Variants in SUCLG2 observed in about 807,000 individuals in gnomAD.
SUCLG2 encodes the protein succinate--CoA ligase [GDP-forming] subunit beta, mitochondrial.
SUCLG2 carries 42 observed loss-of-function variants against 47.9 expected under a neutral mutation model. The observed-to-expected ratio is 0.88, with a 90% CI of 0.69 to 1.14. The LOEUF (loss-of-function observed/expected upper bound fraction) is 1.14. Ranked by LOEUF, SUCLG2 falls within the 50% of genes most tolerant of loss-of-function variation. SUCLG2 has a pLI of 0.00. For missense variants in SUCLG2, 571 were observed against 525.9 expected, an observed-to-expected ratio of 1.09 and a Z score of -0.84; for synonymous variants, 195 against 197.3, an observed-to-expected ratio of 0.99 and a Z score of 0.10.
chr3:67,561,492 T>A (rs1157913386), intron 2 of SUCLG2, among the ~76,000 whole-genome samples: 1 of 152,178 alleles, frequency 6.6e-6, no homozygotes, highest in East Asian at 1.9e-4. Context: ...ACAAAAAGCT[T>A]AGCAACAGCA....
At chr3:67,366,823 C>T (rs17046331) in intron 10 of SUCLG2, among the ~76,000 whole-genome samples, 3,607 of 152,242 alleles carry the variant, frequency 0.024, 60 homozygotes, top group South Asian at 0.051. Context: ...TTGCCTTTAA[C>T]CAGCCATGTT....
chr3:67,372,320 T>C (rs543091349), downstream of SUCLG2, among the ~76,000 whole-genome samples: 1 of 152,200 alleles, frequency 6.6e-6, no homozygotes, highest in South Asian at 2.1e-4. Context: ...TTATCTCACT[T>C]TGTCACAATT....
intron 9 of SUCLG2, among the ~76,000 whole-genome samples, chr3:67,432,994 T>C (rs1231635356): frequency 2.0e-5 from 3 of 152,192 alleles, no homozygotes; most frequent in Admixed American, 6.5e-5. Flanking sequence ...GATCTTAAAA[T>C]CCTCTGAATA....
At chr3:67,629,160 G>A (rs995822372) in intron 1 of SUCLG2, among the ~76,000 whole-genome samples, 1 of 152,200 alleles carries the variant, frequency 6.6e-6, no homozygotes, top group East Asian at 1.9e-4. Flanking sequence ...CATGTGTGGT[G>A]TTTTCTGACA....
chr3:67,378,524 T>C (rs534488617), intron 10 of SUCLG2, among the ~76,000 whole-genome samples: 1 of 152,108 alleles, frequency 6.6e-6, no homozygotes, highest in African/African-American at 2.4e-5. Context: ...CCAAGAACCA[T>C]ATAAGGGATC....
chr3:67,493,770 G>C (rs67058691), intron 9 of SUCLG2, among the ~76,000 whole-genome samples: 11,911 of 152,118 alleles, frequency 0.078, 755 homozygotes, highest in East Asian at 0.32. Context: ...CAATTGGTTT[G>C]GGAATCTCTG....
chr3:67,430,046 G>C (rs1396718096), intron 9 of SUCLG2, among the ~76,000 whole-genome samples: 1 of 151,980 alleles, frequency 6.6e-6, no homozygotes, highest in Non-Finnish European at 1.5e-5. Flanking sequence ...ATCAACGAGA[G>C]GGAAAGTTAA....
chr3:67,454,209 C>T (rs1362296031), intron 9 of SUCLG2, among the ~76,000 whole-genome samples: 6 of 152,002 alleles, frequency 3.9e-5, no homozygotes, highest in East Asian at 1.9e-4. Flanking sequence ...AGTACAGGGA[C>T]GAGGGACGAC....
chr3:67,456,328 T>C (rs2106947302), intron 9 of SUCLG2, among the ~76,000 whole-genome samples: 1 of 152,340 alleles, frequency 6.6e-6, no homozygotes. Context: ...AGGCAGGTCT[T>C]AGGGAATATC....
At chr3:67,417,337 C>G (rs1703059417) in intron 9 of SUCLG2, among the ~76,000 whole-genome samples, 1 of 152,340 alleles carries the variant, frequency 6.6e-6, no homozygotes, top group East Asian at 1.9e-4. Context: ...GCTGCCTAGA[C>G]AAGGCCAAGG....
intron 2 of SUCLG2, among the ~76,000 whole-genome samples, chr3:67,596,090 T>G (rs1457137928): frequency 6.6e-6 from 1 of 152,220 alleles, no homozygotes; most frequent in African/African-American, 2.4e-5. Flanking sequence ...CTCCTTAGTT[T>G]GATGAACTCT....
At chr3:67,556,095 T>A (rs539144921) in intron 2 of SUCLG2, among the ~76,000 whole-genome samples, 90 of 152,302 alleles carry the variant, frequency 5.9e-4, no homozygotes, top group African/African-American at 1.8e-3. Context: ...GACTTTTTTT[T>A]AAAACTATCA....
At chr3:67,650,364 G>A (rs1266680696) in intron 1 of SUCLG2, among the ~76,000 whole-genome samples, 1 of 152,192 alleles carries the variant, frequency 6.6e-6, no homozygotes, top group Non-Finnish European at 1.5e-5. Context: ...CAACAGCAGG[G>A]GCATGGGTTT....
chr3:67,528,126 T>C lies in SUCLG2; in HGVS notation c.417+6A>G. 6.2e-7 allele frequency: 1 copy of C among 1,612,088 alleles called. No homozygotes were observed. The highest frequency in any genetic ancestry group is 8.5e-7 in the Non-Finnish European group (1 of 1,178,308). On this transcript the variant is annotated splice_donor_region_variant and intron_variant, in intron 4 of 10. Transcript: ENST00000307227. Reference sequence around the variant, plus strand: ...TATAGAAAATGACCCAAAGTATCCATATTACCTTGTTAACTTTCACACCTT... The same window carrying C: ...TATAGAAAATGACCCAAAGTATCCACATTACCTTGTTAACTTTCACACCTT...
chr3:67,627,540 A>G (rs1156417157), intron 1 of SUCLG2, among the ~76,000 whole-genome samples: 1 of 152,188 alleles, frequency 6.6e-6, no homozygotes, highest in Non-Finnish European at 1.5e-5. Flanking sequence ...CTCAGCTCCA[A>G]AATCTCCTTT....
At chr3:67,370,565 C>T (rs780025798), downstream of SUCLG2, among the ~76,000 whole-genome samples, 3 of 152,066 alleles carry the variant, frequency 2.0e-5, no homozygotes, top group South Asian at 2.1e-4. Context: ...CCAAGACTCC[C>T]GAGTGAATGC....
intron 10 of SUCLG2, among the ~76,000 whole-genome samples, chr3:67,399,038 G>T (rs943609792): frequency 2.0e-5 from 3 of 147,442 alleles, no homozygotes; most frequent in Non-Finnish European, 4.5e-5. Flanking sequence ...GGGGGAGGGG[G>T]GAAGGATAGC....
intron 9 of SUCLG2, among the ~76,000 whole-genome samples, chr3:67,407,338 G>A (rs770545577): frequency 1.3e-5 from 2 of 152,092 alleles, no homozygotes; most frequent in South Asian, 2.1e-4. Context: ...CAGACATTAC[G>A]TTGTCTTTCT....
At chr3:67,401,236 TTA>T (rs1447897547) in intron 9 of SUCLG2, among the ~76,000 whole-genome samples, 1 of 152,186 alleles carries the variant, frequency 6.6e-6, no homozygotes, top group East Asian at 1.9e-4. Flanking sequence ...AATTGCCTTT[TTA>T]TATGTCATGG....
Sources: gnomAD v4.1 joint callset for allele counts (sites outside exome capture counted in the v4.1 genomes callset) on GRCh38, gnomAD v4.1.1 for gene constraint, MANE v1.5 for transcripts, NCBI Gene and HGNC (gene_info 2026-07-23, HGNC 2026-07-21) for gene names.